MACROD2: variants seen among roughly 807,000 people sequenced by gnomAD.
MACROD2 encodes the protein ADP-ribose glycohydrolase MACROD2.
A neutral mutation model predicts 70.4 loss-of-function variants in MACROD2; 36 were observed. That is an observed-to-expected ratio of 0.51 (90% CI 0.39 to 0.68). The LOEUF is 0.68. Among genes scored for constraint, MACROD2 ranks in the 30% least tolerant of loss-of-function variants. The pLI is 0.00. For missense variants in MACROD2, 496 were observed against 538.4 expected (o/e 0.92, Z 0.78); for synonymous variants, 172 against 178.8 (o/e 0.96, Z 0.30).
intron 6 of MACROD2, among the ~76,000 whole-genome samples, chr20:15,278,656 T>A (rs930733680): frequency 6.6e-6 from 1 of 152,204 alleles, no homozygotes; most frequent in African/African-American, 2.4e-5. Flanking sequence ...GCATCATGAT[T>A]ATGTGTTATT....
At chr20:14,287,820 AG>A (rs2082356811) in intron 3 of MACROD2, among the ~76,000 whole-genome samples, 2 of 152,274 alleles carry the variant, frequency 1.3e-5, no homozygotes, top group East Asian at 3.9e-4. Context: ...ACTGCTAGCC[AG>A]AGGCTACCCT....
At chr20:15,084,077 T>TTTTTTTTTGTTTGTTTTG (rs1555780896) in intron 5 of MACROD2, among the ~76,000 whole-genome samples, 6 of 145,706 alleles carry the variant, frequency 4.1e-5, no homozygotes, top group African/African-American at 1.6e-4. Flanking sequence ...TTTTTGTTTT[T>TTTTTTTTTGTTTGTTTTG]TTTTTTTAAT....
At chr20:15,839,787 A>G (rs191746223) in intron 8 of MACROD2, among the ~76,000 whole-genome samples, 3 of 151,208 alleles carry the variant, frequency 2.0e-5, no homozygotes, top group Admixed American at 6.6e-5. Context: ...ATATATCATC[A>G]TTGTGAGAAT....
chr20:14,048,480 T>C (rs2053510864), intron 2 of MACROD2, among the ~76,000 whole-genome samples: 1 of 152,162 alleles, frequency 6.6e-6, no homozygotes, highest in Non-Finnish European at 1.5e-5. Context: ...GAAGGATCAA[T>C]TTCTATGTTT....
At chr20:15,504,969 C>T (rs933230568) in intron 8 of MACROD2, among the ~76,000 whole-genome samples, 1 of 152,130 alleles carries the variant, frequency 6.6e-6, no homozygotes, top group Non-Finnish European at 1.5e-5. Flanking sequence ...GGTATTTCCC[C>T]ACTCTGCAGC....
At chr20:14,769,165 A>C (rs893577629) in intron 5 of MACROD2, among the ~76,000 whole-genome samples, 8 of 152,070 alleles carry the variant, frequency 5.3e-5, no homozygotes, top group African/African-American at 1.9e-4. Flanking sequence ...CAGTTTGAAA[A>C]ATGAAGGTCT....
chr20:14,147,845 A>G (rs1391626920), intron 3 of MACROD2, among the ~76,000 whole-genome samples: 6 of 152,172 alleles, frequency 3.9e-5, no homozygotes, highest in African/African-American at 1.4e-4. Context: ...CTATTTTTAG[A>G]ACCCTCATGC....
intron 5 of MACROD2, among the ~76,000 whole-genome samples, chr20:15,151,156 G>A (rs1485306424): frequency 1.3e-5 from 2 of 152,084 alleles, no homozygotes; most frequent in Non-Finnish European, 2.9e-5. Flanking sequence ...AGAGTTCCAG[G>A]GGGCTCTGGG....
chr20:14,757,216 C>A (rs192551287), intron 5 of MACROD2, among the ~76,000 whole-genome samples: 96 of 152,124 alleles, frequency 6.3e-4, no homozygotes, highest in Non-Finnish European at 1.2e-3. Context: ...AGAAGTAATA[C>A]AAAGTTTTAG....
intron 5 of MACROD2, among the ~76,000 whole-genome samples, chr20:15,058,354 G>T (rs985605340): frequency 6.6e-6 from 1 of 152,086 alleles, no homozygotes; most frequent in African/African-American, 2.4e-5. Context: ...TGACCTGGGG[G>T]GTTGTGTTCT....
chr20:15,738,843 G>A (rs16996441), intron 8 of MACROD2, among the ~76,000 whole-genome samples: 7,553 of 152,072 alleles, frequency 0.05, 318 homozygotes, highest in East Asian at 0.23. Context: ...ATGTTCTGTC[G>A]GGGAGGAGAG....
rs2074532801 is a variant in MACROD2, at chr20:14,955,951, A to G, written c.418+270992A>G. On this transcript the variant is annotated intron_variant, in intron 5 of 17. Transcript: ENST00000684519. ...ATTAACCATATTTAGAATCCTAGAC[A>G]TTTTATTTTTGCAATCAGTTTTTCT... Among the ~76,000 whole-genome samples, 5 of 151,794 alleles carry G rather than the reference A, an allele frequency of 3.3e-5. 1 individual carries two copies. The South Asian group carries it at 1.0e-3, about 31-fold the overall frequency.
chr20:15,589,793 T>A (rs1666592324), intron 8 of MACROD2, among the ~76,000 whole-genome samples: 1 of 152,228 alleles, frequency 6.6e-6, no homozygotes, highest in Admixed American at 6.5e-5. Context: ...GACTGGCTTG[T>A]TTTATTTTGT....
intron 3 of MACROD2, among the ~76,000 whole-genome samples, chr20:14,467,051 T>C (rs2084460766): frequency 6.6e-6 from 1 of 152,158 alleles, no homozygotes; most frequent in Non-Finnish European, 1.5e-5. Context: ...ACCACTACTC[T>C]CTTTAAAGCT....
chr20:14,837,817 A>C (rs936076410), intron 5 of MACROD2, among the ~76,000 whole-genome samples: 9 of 151,972 alleles, frequency 5.9e-5, no homozygotes, highest in African/African-American at 2.2e-4. Context: ...TGTTTTGCAT[A>C]TACTAAAATA....
At chr20:14,871,734 G>C (rs1051795881) in intron 5 of MACROD2, among the ~76,000 whole-genome samples, 1 of 151,974 alleles carries the variant, frequency 6.6e-6, no homozygotes, top group Admixed American at 6.6e-5. Context: ...TGTCAATCTG[G>C]ATAAAGAAAG....
At chr20:14,785,175 ACACACACACACC>A (rs970876550) in intron 5 of MACROD2, among the ~76,000 whole-genome samples, 1 of 150,862 alleles carries the variant, frequency 6.6e-6, no homozygotes, top group Non-Finnish European at 1.5e-5. Context: ...ACACACACAA[ACACACACACACC>A]CACACACACA....
At position 16,050,051 on chromosome 20, in the gene MACROD2, G is replaced by GA. The variant is rs560006410; in HGVS notation, c.*183dup. On this transcript the variant is annotated 3_prime_UTR_variant, in exon 18 of 18. Transcript: ENST00000684519. ...TTCCGTTTATCTGCAGAAAAAGAAA[G>GA]AAAAAAAAGAAAAAAAAAGTTTCCT... 4.1e-5 allele frequency: 22 copies of GA among 538,478 alleles called. No individual in the cohort carries two copies. The highest frequency in any genetic ancestry group is 1.7e-4 in the East Asian group (5 of 29,914). The allele number at this position is 538,478 out of a possible 1,614,324, so 33.4% of individuals were successfully genotyped here. A position where few individuals can be genotyped will look rare whatever the true frequency, so the allele number is the denominator to read the frequency against.
At chr20:15,262,902 A>G (rs2077261354) in intron 6 of MACROD2, among the ~76,000 whole-genome samples, 1 of 151,752 alleles carries the variant, frequency 6.6e-6, no homozygotes, top group African/African-American at 2.4e-5. Flanking sequence ...ATTTTTCTCT[A>G]TAGTGTTGTT....
Sources: allele counts gnomAD v4.1 joint callset (sites outside exome capture counted in the v4.1 genomes callset), GRCh38; gene constraint gnomAD v4.1.1; transcripts MANE v1.5; gene names NCBI Gene and HGNC (gene_info 2026-07-23, HGNC 2026-07-21).